Variants in MBD5 observed in about 807,000 individuals in gnomAD.
The protein encoded by MBD5 is methyl-CpG-binding domain protein 5.
A neutral mutation model predicts 117.3 loss-of-function variants in MBD5; 13 were observed. That is an observed-to-expected ratio of 0.11 (90% CI 0.07 to 0.18). MBD5 has a LOEUF of 0.18. MBD5 is among the 10% of genes least tolerant of loss of function. The pLI, the probability that MBD5 is intolerant of heterozygous loss-of-function variation, is 1.00. For missense variants in MBD5, 1,879 were observed against 2,093.8 expected (o/e 0.90, Z 2.00); for synonymous variants, 727 against 766.4 (o/e 0.95, Z 0.85).
chr2:148,403,598 A>G (rs1173227708), intron 4 of MBD5, among the ~76,000 whole-genome samples: 1 of 152,198 alleles, frequency 6.6e-6, no homozygotes, highest in Non-Finnish European at 1.5e-5. Flanking sequence ...TTGCAATTTT[A>G]AGAAATAATA....
At chr2:148,359,284 A>AT (rs1186766282) in intron 4 of MBD5, among the ~76,000 whole-genome samples, 1 of 140,684 alleles carries the variant, frequency 7.1e-6, no homozygotes, top group African/African-American at 2.6e-5. Flanking sequence ...AAAAAAAAAA[A>AT]TTGTAGTGTT....
At chr2:148,396,020 C>G (rs2105032693) in intron 4 of MBD5, among the ~76,000 whole-genome samples, 2 of 152,254 alleles carry the variant, frequency 1.3e-5, no homozygotes, top group Middle Eastern at 6.8e-3. Flanking sequence ...TTTTTTCTAG[C>G]TGTGTTCAAC....
intron 4 of MBD5, among the ~76,000 whole-genome samples, chr2:148,368,681 G>C (rs1559042601): frequency 6.6e-6 from 1 of 151,944 alleles, no homozygotes; most frequent in East Asian, 1.9e-4. Context: ...TGATAATAAT[G>C]AATTATAACA....
intron 4 of MBD5, among the ~76,000 whole-genome samples, chr2:148,412,765 G>T (rs1024260315): frequency 4.0e-5 from 6 of 151,870 alleles, no homozygotes; most frequent in Non-Finnish European, 8.8e-5. Context: ...CTCGGATGTT[G>T]GTTTATAGGA....
intron 1 of MBD5, among the ~76,000 whole-genome samples, chr2:148,154,437 C>A (rs994606967): frequency 1.3e-5 from 2 of 152,024 alleles, no homozygotes; most frequent in Admixed American, 1.3e-4. Flanking sequence ...AGGCAGGCCT[C>A]CTTGAGCTGT....
chr2:148,248,756 T>C (rs10206569), intron 3 of MBD5, among the ~76,000 whole-genome samples: 72,090 of 151,808 alleles, frequency 0.47, 17,385 homozygotes, highest in East Asian at 0.71. Flanking sequence ...GCTTTAGTGA[T>C]TAGTAGAGTG....
intron 3 of MBD5, among the ~76,000 whole-genome samples, chr2:148,266,684 C>G (rs139904725): frequency 6.6e-6 from 1 of 151,998 alleles, no homozygotes; most frequent in African/African-American, 2.4e-5. Flanking sequence ...AATAACTCCC[C>G]TATCAATAAT....
intron 2 of MBD5, among the ~76,000 whole-genome samples, chr2:148,222,803 A>G (rs1699722641): frequency 1.3e-5 from 2 of 152,050 alleles, no homozygotes; most frequent in Non-Finnish European, 2.9e-5. Context: ...GACTTCCAGT[A>G]CTATGTCGAG....
chr2:148,198,977 TTA>T lies in MBD5; in HGVS notation c.-831+20194_-831+20195del, dbSNP rs983774400. Among the ~76,000 whole-genome samples, 4 of 151,630 alleles carry T rather than the reference TTA, an allele frequency of 2.6e-5. No individual in the cohort carries two copies. In the East Asian group the frequency reaches 5.8e-4, roughly 22 times the overall value. ...GTGTATATGTATATATCTGTGTATA[TTA>T]TATATATATGAATATATCATATATG... On this transcript the variant is annotated intron_variant, in intron 2 of 13. Coordinates refer to ENST00000642680, the MANE Select transcript of MBD5 (RefSeq NM_001378120.1).
chr2:148,247,479 C>T (rs1007705667), intron 3 of MBD5, among the ~76,000 whole-genome samples: 2 of 152,098 alleles, frequency 1.3e-5, no homozygotes, highest in Non-Finnish European at 2.9e-5. Flanking sequence ...CAGCACATAA[C>T]CAGAGAAGAT....
At chr2:148,133,339 A>G (rs1697095088) in intron 1 of MBD5, among the ~76,000 whole-genome samples, 1 of 152,216 alleles carries the variant, frequency 6.6e-6, no homozygotes, top group Admixed American at 6.5e-5. Flanking sequence ...CCTTAGATTC[A>G]CAAATTATAC....
At position 148,371,361 on chromosome 2, in the gene MBD5, T is replaced by C. The variant is rs537275371; in HGVS notation, c.-557+29025T>C. Reference sequence around the variant, plus strand: ...CCTACTTTTTTCCCCCTCAATTAGATATTTTTTAGCAAGAGAATAACTGTC... The same window carrying C: ...CCTACTTTTTTCCCCCTCAATTAGACATTTTTTAGCAAGAGAATAACTGTC... On this transcript the variant is annotated intron_variant, in intron 4 of 13. Coordinates refer to ENST00000642680, the MANE Select transcript of MBD5 (RefSeq NM_001378120.1). Among the ~76,000 whole-genome samples, 11 of 152,232 alleles carry C rather than the reference T, an allele frequency of 7.2e-5. No homozygotes were observed. In the East Asian group the frequency reaches 1.9e-3, roughly 27 times the overall value.
At chr2:148,259,103 C>G (rs910046938) in intron 3 of MBD5, among the ~76,000 whole-genome samples, 1 of 152,104 alleles carries the variant, frequency 6.6e-6, no homozygotes, top group South Asian at 2.1e-4. Flanking sequence ...ATGACTTGCC[C>G]CAAATCACCA....
At chr2:148,151,507 C>T (rs901079725) in intron 1 of MBD5, among the ~76,000 whole-genome samples, 10 of 152,046 alleles carry the variant, frequency 6.6e-5, no homozygotes, top group African/African-American at 1.9e-4. Flanking sequence ...GAATAGTTTC[C>T]GAAGGAATGG....
At chr2:148,156,074 C>T (rs944558924) in intron 1 of MBD5, among the ~76,000 whole-genome samples, 8 of 152,152 alleles carry the variant, frequency 5.3e-5, no homozygotes, top group African/African-American at 1.4e-4. Context: ...AAAATCATCC[C>T]GGACAGGTAC....
Position 148,314,246 on chromosome 2 carries a change from T to C in MBD5, c.-679-27968T>C, listed in dbSNP as rs185870876. Among the ~76,000 whole-genome samples, 47 of 152,086 alleles carry C rather than the reference T, an allele frequency of 3.1e-4. No homozygotes were observed. The South Asian group carries it at 3.7e-3, about 12-fold the overall frequency. ...TACAGACATACGCTTCCTCATACTATAGTTTTTCATGTGGCAAAAGGAAAT... is the reference window on the plus strand; with the variant it reads ...TACAGACATACGCTTCCTCATACTACAGTTTTTCATGTGGCAAAAGGAAAT... On this transcript the variant is annotated intron_variant, in intron 3 of 13. Transcript: ENST00000642680.
At chr2:148,294,514 T>TG (rs796734529) in intron 3 of MBD5, among the ~76,000 whole-genome samples, 57 of 138,716 alleles carry the variant, frequency 4.1e-4, no homozygotes, top group Admixed American at 5.8e-4. Flanking sequence ...TTTTTTTTTT[T>TG]TTTTTTTGAG....
At chr2:148,333,959 C>G (rs1458662767) in intron 3 of MBD5, among the ~76,000 whole-genome samples, 2 of 152,068 alleles carry the variant, frequency 1.3e-5, no homozygotes, top group African/African-American at 4.8e-5. Flanking sequence ...AAGTACTTGG[C>G]CAGTTGTGAA....
At chr2:148,085,102 G>A (rs185510461) in intron 1 of MBD5, among the ~76,000 whole-genome samples, 1 of 152,280 alleles carries the variant, frequency 6.6e-6, no homozygotes, top group Non-Finnish European at 1.5e-5. Context: ...CAACACAGCA[G>A]GTTATGCCCA....
Sources: gnomAD v4.1 joint callset for allele counts (sites outside exome capture counted in the v4.1 genomes callset) on GRCh38, gnomAD v4.1.1 for gene constraint, MANE v1.5 for transcripts, NCBI Gene and HGNC (gene_info 2026-07-23, HGNC 2026-07-21) for gene names.